Variants in PHF24 observed in about 807,000 individuals in gnomAD.
The protein encoded by PHF24 is Galpha inhibitory interacting protein.
PHF24 carries 25 observed loss-of-function variants against 42.6 expected under a neutral mutation model. The ratio of observed to expected loss-of-function variants is 0.59; its 90% confidence interval spans 0.43 to 0.82. The LOEUF (loss-of-function observed/expected upper bound fraction) is 0.82. Ranked by LOEUF, PHF24 falls within the 40% of genes least tolerant of loss-of-function variation. The pLI is 0.00. For synonymous variants in PHF24, 185 were observed against 204.8 expected (o/e 0.90, Z 0.83); for missense variants, 470 against 538.1 (o/e 0.87, Z 1.25).
At chr9:34,680,687 C>CA in the PHF24 span, among the ~76,000 whole-genome samples, 37,800 of 124,144 alleles carry the variant, frequency 0.3, 6,076 homozygotes, top group East Asian at 0.78. Flanking sequence ...GACTCCGTCT[C>CA]AAAAAAAAAA....
At chr9:34,807,313 G>A in the PHF24 span, among the ~76,000 whole-genome samples, 4 of 152,262 alleles carry the variant, frequency 2.6e-5, no homozygotes, top group East Asian at 1.9e-4. Flanking sequence ...CTCTGCCAAC[G>A]GGATTGCTCC....
chr9:34,871,689 T>A, the PHF24 span, among the ~76,000 whole-genome samples: 1 of 152,204 alleles, frequency 6.6e-6, no homozygotes, highest in Non-Finnish European at 1.5e-5. Flanking sequence ...TTTTCTCCTT[T>A]GTCAAAGATC....
chr9:34,936,676 C>G, the PHF24 span, among the ~76,000 whole-genome samples: 1 of 151,526 alleles, frequency 6.6e-6, no homozygotes, highest in African/African-American at 2.4e-5. Flanking sequence ...GCGTCTCTGC[C>G]CGGCCACCCA....
At chr9:34,849,595 A>G in the PHF24 span, among the ~76,000 whole-genome samples, 1 of 152,084 alleles carries the variant, frequency 6.6e-6, no homozygotes, top group African/African-American at 2.4e-5. Flanking sequence ...CATTTAGTCC[A>G]TTTACCTTTA....
At chr9:34,977,749 C>A in intron 7 of PHF24, 108 bp downstream of exon 7, 1 of 989,176 alleles carries the variant, frequency 1.0e-6, no homozygotes, top group Non-Finnish European at 1.5e-6. Context: ...AAGCGCCCAC[C>A]CAAGAAACCA....
the PHF24 span, among the ~76,000 whole-genome samples, chr9:34,806,962 A>G: frequency 5.3e-5 from 8 of 152,024 alleles, no homozygotes; most frequent in African/African-American, 1.9e-4. Flanking sequence ...ATTCCTTAGT[A>G]TTTTCTGTAT....
chr9:34,909,673 G>C, the PHF24 span, among the ~76,000 whole-genome samples: 15 of 151,104 alleles, frequency 9.9e-5, no homozygotes, highest in African/African-American at 2.9e-4. Context: ...CCAGGCTGGA[G>C]TGCAGTGGCG....
chr9:34,886,826 G>C, the PHF24 span, among the ~76,000 whole-genome samples: 149 of 80,890 alleles, frequency 1.8e-3, no homozygotes, highest in African/African-American at 4.2e-3. Context: ...ATGTATCTAT[G>C]TATCTATGTA....
At chr9:34,727,118 C>T in the PHF24 span, 3 of 1,422,678 alleles carry the variant, frequency 2.1e-6, no homozygotes, top group Non-Finnish European at 2.8e-6. Flanking sequence ...TGTTGTCTAC[C>T]TGTCTGCTTT....
the PHF24 span, among the ~76,000 whole-genome samples, chr9:34,938,981 A>T: frequency 1.0e-3 from 153 of 151,378 alleles, no homozygotes; most frequent in African/African-American, 3.3e-3. Context: ...ATTTAAAAAA[A>T]AATAATATAA....
chr9:34,745,433 G>A, the PHF24 span, among the ~76,000 whole-genome samples: 1 of 152,070 alleles, frequency 6.6e-6, no homozygotes, highest in Non-Finnish European at 1.5e-5. Context: ...GAAAAAAGCG[G>A]TGGGGAAAGA....
chr9:34,759,238 T>A, the PHF24 span, among the ~76,000 whole-genome samples: 1 of 152,246 alleles, frequency 6.6e-6, no homozygotes, highest in South Asian at 2.1e-4. Context: ...CCAGTTATGT[T>A]CACCCCCACT....
chr9:34,789,821 T>C, the PHF24 span, among the ~76,000 whole-genome samples: 1 of 152,202 alleles, frequency 6.6e-6, no homozygotes, highest in African/African-American at 2.4e-5. Context: ...TGGGAGGTAA[T>C]GAAAGACAAG....
chr9:34,849,456 A>T, the PHF24 span, among the ~76,000 whole-genome samples: 2 of 151,626 alleles, frequency 1.3e-5, no homozygotes, highest in Admixed American at 6.6e-5. Context: ...TCTGCTTGGT[A>T]GATCTTCCTC....
At chr9:34,815,997 A>G in the PHF24 span, among the ~76,000 whole-genome samples, 1 of 152,158 alleles carries the variant, frequency 6.6e-6, no homozygotes. Flanking sequence ...TTTGCCTTTC[A>G]TAGTCTGCAT....
At chr9:34,955,960 A>G (rs1057027386), upstream of PHF24, among the ~76,000 whole-genome samples, 3 of 152,328 alleles carry the variant, frequency 2.0e-5, no homozygotes, top group African/African-American at 7.2e-5. Context: ...TGAAATTGAT[A>G]AATTTTGATA....
the PHF24 span, among the ~76,000 whole-genome samples, chr9:34,851,616 C>T: frequency 2.0e-5 from 3 of 152,324 alleles, no homozygotes; most frequent in Middle Eastern, 3.4e-3. Context: ...CACTGTCCTG[C>T]GCCCACTCTC....
chr9:34,974,824 C>G (rs1161689623), intron 3 of PHF24, among the ~76,000 whole-genome samples: 1 of 152,142 alleles, frequency 6.6e-6, no homozygotes, highest in African/African-American at 2.4e-5. Flanking sequence ...TGCCCCCAAA[C>G]CTGCTCTTCC....
the PHF24 span, among the ~76,000 whole-genome samples, chr9:34,897,307 A>C: frequency 6.6e-6 from 1 of 152,226 alleles, no homozygotes; most frequent in Admixed American, 6.5e-5. Context: ...TGTATTGCCT[A>C]CCTGCTTTCA....
Sources: gnomAD v4.1 joint callset for allele counts (sites outside exome capture counted in the v4.1 genomes callset) on GRCh38, gnomAD v4.1.1 for gene constraint, MANE v1.5 for transcripts, NCBI Gene and HGNC (gene_info 2026-07-23, HGNC 2026-07-21) for gene names.